Variants in TBC1D2B observed in about 807,000 individuals in gnomAD.
TBC1D2B encodes the protein TBC1 domain family member 2B.
Under a neutral mutation model 100.8 loss-of-function variants are expected in TBC1D2B, and 64 were observed. The observed-to-expected ratio is 0.64, with a 90% CI of 0.52 to 0.78. TBC1D2B has a LOEUF of 0.78. Ranked by LOEUF, TBC1D2B falls within the 30% of genes least tolerant of loss-of-function variation. TBC1D2B has a pLI of 0.00. For synonymous variants in TBC1D2B, 480 were observed against 479.7 expected, an observed-to-expected ratio of 1.00 and a Z score of -0.01; for missense variants, 1,052 against 1,218.4, an observed-to-expected ratio of 0.86 and a Z score of 2.03.
chr15:78,016,480 CCTG>C lies in TBC1D2B; in HGVS notation c.1775+63_1775+65del. 4.7e-6 allele frequency: 7 copies of C among 1,475,818 alleles called. 1 individual carries two copies. The highest frequency in any genetic ancestry group is 2.4e-4 in the Middle Eastern group (1 of 4,190). The allele number at this position is 1,475,818 out of a possible 1,614,324, so 91.4% of individuals were successfully genotyped here. ...TGTGTACGGCTCTCTGCGAATGGTT[CCTG>C]CTGTTGAAAAAGGGACTTCAGAAAT... On this transcript the variant is annotated intron_variant, in intron 8 of 12. Transcript: ENST00000300584.
intron 3 of TBC1D2B, among the ~76,000 whole-genome samples, chr15:78,037,372 C>A (rs993144674): frequency 8.5e-5 from 13 of 152,198 alleles, no homozygotes; most frequent in African/African-American, 3.1e-4. Flanking sequence ...CAAAACTCAT[C>A]TTCACAGCAA....
intron 3 of TBC1D2B, among the ~76,000 whole-genome samples, chr15:78,033,423 T>G (rs1388472465): frequency 1.3e-5 from 2 of 152,330 alleles, no homozygotes; most frequent in African/African-American, 4.8e-5. Context: ...AGGAGTATGA[T>G]TCCATTTATA....
chr15:78,051,560 T>C (rs925301111), intron 2 of TBC1D2B, among the ~76,000 whole-genome samples: 107 of 152,358 alleles, frequency 7.0e-4, no homozygotes, highest in African/African-American at 2.5e-3. Flanking sequence ...TCTTTCTCCA[T>C]ATTGACTTTA....
intron 4 of TBC1D2B, among the ~76,000 whole-genome samples, chr15:78,027,390 T>C (rs2072698280): frequency 6.6e-6 from 1 of 152,190 alleles, no homozygotes; most frequent in Admixed American, 6.5e-5. Flanking sequence ...CTGTATGTTA[T>C]ACATCAATAA....
At chr15:78,017,114 T>A (rs1008708256) in intron 7 of TBC1D2B, 1 of 172,988 alleles carries the variant, frequency 5.8e-6, no homozygotes, top group Non-Finnish European at 1.2e-5. Flanking sequence ...CATTCTTTCT[T>A]AGGACACTGT....
At chr15:78,009,786 G>A (rs1055558998) in intron 9 of TBC1D2B, among the ~76,000 whole-genome samples, 2 of 152,030 alleles carry the variant, frequency 1.3e-5, no homozygotes, top group South Asian at 4.2e-4. Context: ...CATCCTGGCT[G>A]ACACGGTGAA....
intron 12 of TBC1D2B, among the ~76,000 whole-genome samples, chr15:78,000,837 C>T (rs779314208): frequency 1.1e-4 from 16 of 152,138 alleles, no homozygotes; most frequent in Non-Finnish European, 2.2e-4. Context: ...AAGTCAAATT[C>T]CTCCCTCCCT....
intron 3 of TBC1D2B, among the ~76,000 whole-genome samples, chr15:78,032,818 A>T (rs1221229585): frequency 6.6e-6 from 1 of 152,172 alleles, no homozygotes; most frequent in Admixed American, 6.5e-5. Flanking sequence ...ACCTAAAACG[A>T]AACAGAAATA....
intron 9 of TBC1D2B, among the ~76,000 whole-genome samples, chr15:78,009,693 G>A (rs539708805): frequency 2.0e-5 from 3 of 152,290 alleles, no homozygotes; most frequent in Non-Finnish European, 4.4e-5. Context: ...AGATTTTTGC[G>A]GCTGGGCGCA....
chr15:78,055,229 T>C (rs543735058), intron 1 of TBC1D2B, among the ~76,000 whole-genome samples: 7 of 43,456 alleles, frequency 1.6e-4, no homozygotes, highest in East Asian at 1.6e-3. Flanking sequence ...AGAACTGCTA[T>C]GTATCATGGT....
At chr15:78,049,348 T>C (rs2073264207) in intron 2 of TBC1D2B, among the ~76,000 whole-genome samples, 1 of 152,210 alleles carries the variant, frequency 6.6e-6, no homozygotes, top group Non-Finnish European at 1.5e-5. Flanking sequence ...ACTTAATAAA[T>C]ATTGGTTAAA....
chr15:78,025,529 T>C (rs2072641190), intron 4 of TBC1D2B, 32 bp from the exon 5 acceptor site: 8 of 1,419,326 alleles, frequency 5.6e-6, no homozygotes, highest in Non-Finnish European at 7.5e-6. Context: ...ATTTTATTAT[T>C]ATTATTATTA....
chr15:78,041,992 C>T (rs1306013879), intron 3 of TBC1D2B, among the ~76,000 whole-genome samples: 1 of 152,100 alleles, frequency 6.6e-6, no homozygotes, highest in Non-Finnish European at 1.5e-5. Flanking sequence ...AGTAACTTGC[C>T]CAAGTTATCC....
intron 1 of TBC1D2B, among the ~76,000 whole-genome samples, chr15:78,062,504 C>T (rs1049034937): frequency 1.3e-5 from 2 of 152,114 alleles, no homozygotes; most frequent in African/African-American, 4.8e-5. Flanking sequence ...CAAATAATAA[C>T]AATCTACATC....
At position 78,025,316 on chromosome 15, in the gene TBC1D2B, C is replaced by G; in HGVS notation, c.1029G>C (p.Gln343His). ...IRKPASEMQL[Q>H]VQSQQEELEQ... ...CCAGCTCTTCCTGCTGGCTCTGGACCTGCAGTTGCATTTCGGAGGCCGGCT... is the reference window on the plus strand; with the variant it reads ...CCAGCTCTTCCTGCTGGCTCTGGACGTGCAGTTGCATTTCGGAGGCCGGCT... The change falls in exon 5 of 13, where the codon CAG becomes CAC. Residue 343 changes from glutamine to histidine, a missense_variant. Gln to His is a conservative substitution (Grantham distance 24, BLOSUM62 0). Transcript: ENST00000300584. 1.2e-6 allele frequency: 2 copies of G among 1,613,910 alleles called. No individual in the cohort carries two copies. The highest frequency in any genetic ancestry group is 1.1e-5 in the South Asian group (1 of 91,070).
rs1316175028 is a variant in TBC1D2B, at chr15:78,045,043, A to C, written c.540T>G (p.Ala180=). ...NTDLIYPHPN[A]SAEKARNVLA... ...GGACATTTCTGGCTTTTTCTGCAGAAGCATTTGGGTGTGGGTAAATTAAAT... is the reference window on the plus strand; with the variant it reads ...GGACATTTCTGGCTTTTTCTGCAGACGCATTTGGGTGTGGGTAAATTAAAT... The change falls in exon 3 of 13, where the codon GCT becomes GCG. Residue 180 remains alanine, a synonymous_variant. Coordinates refer to ENST00000300584, the MANE Select transcript of TBC1D2B (RefSeq NM_144572.2). The C allele has an allele frequency of 6.2e-7, 1 of 1,611,398 alleles. No individual in the cohort carries two copies. Among genetic ancestry groups the C allele is most frequent in the Non-Finnish European group, 8.5e-7 (1 of 1,178,524 alleles).
At chr15:78,045,097 T>C (rs1182013956) in intron 2 of TBC1D2B, 29 bp from the exon 3 acceptor site, 3 of 1,578,306 alleles carry the variant, frequency 1.9e-6, no homozygotes, top group Non-Finnish European at 2.6e-6. Flanking sequence ...AAATGTCAGT[T>C]ACTCAAAGCT....
intron 9 of TBC1D2B, among the ~76,000 whole-genome samples, chr15:78,012,547 G>A (rs1342591744): frequency 3.9e-5 from 6 of 152,280 alleles, no homozygotes; most frequent in South Asian, 2.1e-4. Flanking sequence ...ATCAAAACCC[G>A]AGTGCGATGA....
Position 78,050,031 on chromosome 15 carries a change from C to G in TBC1D2B, c.514+4003G>C, listed in dbSNP as rs187614481. On this transcript the variant is annotated intron_variant, in intron 2 of 12. Coordinates refer to ENST00000300584, the MANE Select transcript of TBC1D2B (RefSeq NM_144572.2). ...TACACAAAAGCACAGCTTCCTTGAT[C>G]TCTGTATGGAATCACGACATTAAAG... 1.2e-3 allele frequency among the ~76,000 whole-genome samples: 179 copies of G among 152,320 alleles called. 1 individual carries two copies. Among genetic ancestry groups the G allele is most frequent in the African/African-American group, 4.0e-3 (165 of 41,580 alleles).
Sources: allele counts gnomAD v4.1 joint callset (sites outside exome capture counted in the v4.1 genomes callset), GRCh38; gene constraint gnomAD v4.1.1; transcripts MANE v1.5; gene names NCBI Gene and HGNC (gene_info 2026-07-23, HGNC 2026-07-21).